HUNK: variants seen among roughly 807,000 people sequenced by gnomAD.
HUNK encodes the protein hormonally up-regulated Neu-associated kinase.
HUNK carries 21 observed loss-of-function variants against 61.0 expected under a neutral mutation model. That is an observed-to-expected ratio of 0.34 (90% CI 0.24 to 0.50). The LOEUF is 0.50. Ranked by LOEUF, HUNK falls within the 20% of genes least tolerant of loss-of-function variation. The probability of loss-of-function intolerance (pLI) is 0.98; values close to 1 mark genes in which losing one functional copy is unlikely to be tolerated. For synonymous variants in HUNK, 371 were observed against 386.1 expected, an observed-to-expected ratio of 0.96 and a Z score of 0.46; for missense variants, 772 against 945.7, an observed-to-expected ratio of 0.82 and a Z score of 2.41.
At chr21:31,913,261 C>T (rs3787690) in intron 1 of HUNK, among the ~76,000 whole-genome samples, 15,821 of 151,736 alleles carry the variant, frequency 0.1, 1,097 homozygotes, top group South Asian at 0.19. Flanking sequence ...AGGCCAGTGG[C>T]GGGTGGGAAT....
At position 32,001,866 on chromosome 21, in the gene HUNK, G is replaced by A. The variant is rs1203285957; in HGVS notation, c.*2682G>A. 2 of 152,584 alleles carry A rather than the reference G, an allele frequency of 1.3e-5. No homozygotes were observed. The highest frequency in any genetic ancestry group is 2.9e-5 in the Non-Finnish European group (2 of 68,042). The allele number at this position is 152,584 out of a possible 1,614,324, so 9.5% of individuals were successfully genotyped here. On this transcript the variant is annotated 3_prime_UTR_variant, in exon 11 of 11. Coordinates refer to ENST00000270112, the MANE Select transcript of HUNK (RefSeq NM_014586.2). ...TGTAGTTACTGACAGAAATTGACTG[G>A]ACTGTCATTGTGTGAAGTCTAGGAG...
intron 1 of HUNK, among the ~76,000 whole-genome samples, chr21:31,886,690 G>A (rs1375416858): frequency 2.0e-5 from 3 of 150,438 alleles, no homozygotes; most frequent in Non-Finnish European, 1.5e-5. Flanking sequence ...AGACAGTTCC[G>A]CTCTTGTTGC....
intron 1 of HUNK, among the ~76,000 whole-genome samples, chr21:31,878,258 CAAAAAA>C (rs59741283): frequency 7.8e-5 from 7 of 89,954 alleles, no homozygotes; most frequent in African/African-American, 2.6e-4. Flanking sequence ...GACTCCATCT[CAAAAAA>C]AAAAAAAAAA....
At chr21:31,937,442 G>T (rs1252435307) in intron 2 of HUNK, among the ~76,000 whole-genome samples, 1 of 152,166 alleles carries the variant, frequency 6.6e-6, no homozygotes, top group Non-Finnish European at 1.5e-5. Context: ...TCACTGAGTG[G>T]TTAATTTATG....
intron 9 of HUNK, among the ~76,000 whole-genome samples, chr21:31,993,674 G>A (rs1237440764): frequency 1.3e-5 from 2 of 152,336 alleles, no homozygotes; most frequent in East Asian, 3.9e-4. Context: ...GTGTAAGCGT[G>A]TGTGCAAAAG....
At chr21:31,947,713 A>C (rs67780021) in intron 4 of HUNK, among the ~76,000 whole-genome samples, 30,255 of 152,100 alleles carry the variant, frequency 0.2, 4,903 homozygotes, top group African/African-American at 0.45. Flanking sequence ...CCCCATGGTC[A>C]CAGTGAGTCA....
intron 1 of HUNK, among the ~76,000 whole-genome samples, chr21:31,875,537 A>AG (rs11464176): frequency 1 from 152,300 of 152,302 alleles, 76,149 homozygotes; most frequent in African/African-American, 1. Context: ...TCTAGTCCGC[A>AG]GGAGCGAGGC....
At chr21:31,920,887 CATTCCTATAATCCCCGCACT>C (rs2052617716) in intron 1 of HUNK, among the ~76,000 whole-genome samples, 1 of 152,122 alleles carries the variant, frequency 6.6e-6, no homozygotes. Context: ...CACGGTGGCT[CATTCCTATAATCCCCGCACT>C]TGGGGAGGCC....
intron 2 of HUNK, among the ~76,000 whole-genome samples, chr21:31,934,764 AT>A (rs577562699): frequency 1.2e-3 from 173 of 149,976 alleles, no homozygotes; most frequent in African/African-American, 1.7e-3. Flanking sequence ...GCAATATTTG[AT>A]TTTTTTTTTC....
chr21:31,977,110 CT>C (rs1482658905), intron 7 of HUNK, among the ~76,000 whole-genome samples: 1 of 152,140 alleles, frequency 6.6e-6, no homozygotes, highest in African/African-American at 2.4e-5. Flanking sequence ...CCCCAAACTT[CT>C]TTCTCATACT....
At position 31,998,612 on chromosome 21, in the gene HUNK, C is replaced by G. The variant is rs1190691252; in HGVS notation, c.1573C>G (p.Pro525Ala). The G allele has an allele frequency of 6.2e-7, 1 of 1,614,078 alleles. No individual in the cohort carries two copies. Among genetic ancestry groups the G allele is most frequent in the Admixed American group, 1.7e-5 (1 of 60,012 alleles). ...SSSMEFIPVP[P>A]PRTPRIVKKP... ...TTCCATGGAGTTCATCCCCGTGCCACCGCCCAGGACCCCGAGGATTGTGAA... is the reference window on the plus strand; with the variant it reads ...TTCCATGGAGTTCATCCCCGTGCCAGCGCCCAGGACCCCGAGGATTGTGAA... The change falls in exon 11 of 11, where the codon CCG becomes GCG. Residue 525 changes from proline to alanine, a missense_variant. Coordinates refer to ENST00000270112, the MANE Select transcript of HUNK (RefSeq NM_014586.2).
intron 1 of HUNK, among the ~76,000 whole-genome samples, chr21:31,912,840 A>G (rs1215653357): frequency 6.6e-6 from 1 of 152,134 alleles, no homozygotes; most frequent in East Asian, 1.9e-4. Flanking sequence ...TCACGATCGC[A>G]CACAAGCTGA....
At position 31,979,682 on chromosome 21, in the gene HUNK, A is replaced by AT. The variant is rs1204199850; in HGVS notation, c.1174-3838dup. On this transcript the variant is annotated intron_variant, in intron 7 of 10. Transcript: ENST00000270112. ...AGGCACCTGCCACCTCACCTGGCTA[A>AT]TTTTTTGTATTTTTAGTAGAGACAG... Among the ~76,000 whole-genome samples the AT allele has an allele frequency of 5.3e-5, 8 of 150,734 alleles. No individual in the cohort carries two copies. The East Asian group carries it at 9.9e-4, about 19-fold the overall frequency.
At chr21:31,918,740 C>T (rs898927300) in intron 1 of HUNK, among the ~76,000 whole-genome samples, 37 of 152,238 alleles carry the variant, frequency 2.4e-4, no homozygotes, top group Non-Finnish European at 4.6e-4. Flanking sequence ...TTAGGACTCA[C>T]CCAGTTAATC....
At chr21:31,923,090 A>T (rs1308568507) in intron 1 of HUNK, among the ~76,000 whole-genome samples, 1 of 152,186 alleles carries the variant, frequency 6.6e-6, no homozygotes, top group Non-Finnish European at 1.5e-5. Context: ...GGAAGAAGAC[A>T]TTGACATCAT....
At chr21:31,909,316 A>G (rs1012794363) in intron 1 of HUNK, among the ~76,000 whole-genome samples, 11 of 152,188 alleles carry the variant, frequency 7.2e-5, no homozygotes, top group Non-Finnish European at 1.5e-4. Context: ...CCAGCAGGAT[A>G]CGTTTCCAGG....
chr21:31,877,753 A>G (rs1054105115), intron 1 of HUNK, among the ~76,000 whole-genome samples: 5 of 152,158 alleles, frequency 3.3e-5, no homozygotes, highest in Admixed American at 1.3e-4. Flanking sequence ...GAGCAACAGT[A>G]TGGGGTAATG....
chr21:31,953,997 G>A (rs892936415), intron 4 of HUNK, among the ~76,000 whole-genome samples: 3 of 152,226 alleles, frequency 2.0e-5, no homozygotes, highest in Non-Finnish European at 4.4e-5. Context: ...GAGAGGCAAA[G>A]ACCAGTGTAA....
intron 5 of HUNK, among the ~76,000 whole-genome samples, 171 bp downstream of exon 5, chr21:31,959,141 T>A (rs1219036907): frequency 2.0e-5 from 3 of 152,186 alleles, no homozygotes; most frequent in Admixed American, 2.0e-4. Context: ...GTTTCCCGTC[T>A]CTCAATGGCC....
Sources: gnomAD v4.1 joint callset for allele counts (sites outside exome capture counted in the v4.1 genomes callset) on GRCh38, gnomAD v4.1.1 for gene constraint, MANE v1.5 for transcripts, NCBI Gene and HGNC (gene_info 2026-07-23, HGNC 2026-07-21) for gene names.